PRDM16: variants seen among roughly 807,000 people sequenced by gnomAD.
The protein encoded by PRDM16 is histone-lysine N-methyltransferase PRDM16.
A neutral mutation model predicts 110.6 loss-of-function variants in PRDM16; 23 were observed. That is an observed-to-expected ratio of 0.21 (90% CI 0.15 to 0.29). The LOEUF (loss-of-function observed/expected upper bound fraction) is 0.29, where lower values mean the gene tolerates loss of function less well. Among genes scored for constraint, PRDM16 ranks in the 10% least tolerant of loss-of-function variants. PRDM16 has a pLI of 1.00. For synonymous variants in PRDM16, 799 were observed against 781.8 expected (o/e 1.02, Z -0.37); for missense variants, 1,615 against 1,794.3 (o/e 0.90, Z 1.81).
chr1:3,349,041 C>T (rs1192966493), intron 3 of PRDM16, among the ~76,000 whole-genome samples: 2 of 152,192 alleles, frequency 1.3e-5, no homozygotes, highest in East Asian at 3.9e-4. Flanking sequence ...GGGCGGGGCC[C>T]AGCATGGCCG....
intron 1 of PRDM16, among the ~76,000 whole-genome samples, chr1:3,101,872 A>T (rs1277504068): frequency 6.6e-6 from 1 of 152,010 alleles, no homozygotes; most frequent in Non-Finnish European, 1.5e-5. Context: ...CCACCCGGAG[A>T]CCCCCAGTCC....
intron 3 of PRDM16, among the ~76,000 whole-genome samples, chr1:3,349,100 A>G (rs2100530426): frequency 6.6e-6 from 1 of 152,320 alleles, no homozygotes; most frequent in South Asian, 2.1e-4. Context: ...TTGAATTTGA[A>G]AAGCCAGGAG....
chr1:3,318,434 G>T lies in PRDM16; in HGVS notation c.439-66718G>T, dbSNP rs766255312. Among the ~76,000 whole-genome samples, 88 of 152,186 alleles carry T rather than the reference G, an allele frequency of 5.8e-4. 1 individual carries two copies. The highest frequency in any genetic ancestry group is 2.1e-4 in the Non-Finnish European group (14 of 68,040). The stretch of plus-strand genomic sequence containing the variant: ...TCTTCTACAATTTAAACCAGAAAAT[G>T]TGGGAAAGGAAGCCTCAACACATCC... On this transcript the variant is annotated intron_variant, in intron 3 of 16. Coordinates refer to ENST00000270722, the MANE Select transcript of PRDM16 (RefSeq NM_022114.4).
At chr1:3,430,316 A>C (rs1638730817) in intron 14 of PRDM16, among the ~76,000 whole-genome samples, 1 of 152,198 alleles carries the variant, frequency 6.6e-6, no homozygotes, top group African/African-American at 2.4e-5. Context: ...CCTGGGCTGC[A>C]GAAGAGTCCC....
intron 3 of PRDM16, among the ~76,000 whole-genome samples, chr1:3,271,620 C>T (rs1640458707): frequency 6.6e-6 from 1 of 152,140 alleles, no homozygotes; most frequent in Non-Finnish European, 1.5e-5. Context: ...CTGGGTAGTC[C>T]AGGGGCCCTG....
chr1:3,220,376 G>A (rs939123662), intron 2 of PRDM16, among the ~76,000 whole-genome samples: 19 of 152,172 alleles, frequency 1.2e-4, no homozygotes, highest in Admixed American at 1.3e-4. Flanking sequence ...CAATCCAGGA[G>A]CTACCTGCAG....
rs1241704623 is a variant in PRDM16, at chr1:3,425,411, A to T, written c.2940-170A>T. 4.8e-6 allele frequency: 3 copies of T among 625,886 alleles called. No homozygotes were observed. Among genetic ancestry groups the T allele is most frequent in the Non-Finnish European group, 8.1e-6 (3 of 368,766 alleles). The allele number at this position is 625,886 out of a possible 1,614,324, so 38.8% of individuals were successfully genotyped here. A position where few individuals can be genotyped will look rare whatever the true frequency, so the allele number is the denominator to read the frequency against. On this transcript the variant is annotated intron_variant, in intron 12 of 16. Coordinates refer to ENST00000270722, the MANE Select transcript of PRDM16 (RefSeq NM_022114.4). This position sits in a 1 kb window ranked among gnomAD's most constrained non-coding sequence, Gnocchi z 6.9. The stretch of plus-strand genomic sequence containing the variant: ...TGTTTCTAGGGACAGCTTCCCCAGG[A>T]TGCCTTTGGCTCTGCAGCTGGGAGA...
Position 3,074,149 on chromosome 1 carries a change from G to C in PRDM16, c.37+4853G>C, listed in dbSNP as rs1327149437. Among the ~76,000 whole-genome samples, 3 of 152,204 alleles carry C rather than the reference G, an allele frequency of 2.0e-5. No individual in the cohort carries two copies. In the South Asian group the frequency reaches 6.2e-4, roughly 31 times the overall value. On this transcript the variant is annotated intron_variant, in intron 1 of 16. Transcript: ENST00000270722. ...GCCCCTGCCGGCAACCTCGGGAGAC[G>C]GGCCGGGCTCCCTAGTGCACTTGGG...
intron 3 of PRDM16, among the ~76,000 whole-genome samples, chr1:3,355,116 C>T (rs1388848813): frequency 6.6e-6 from 1 of 152,144 alleles, no homozygotes; most frequent in Non-Finnish European, 1.5e-5. Context: ...TGAGACCAGG[C>T]CTCATAGTGC....
intron 3 of PRDM16, among the ~76,000 whole-genome samples, chr1:3,272,656 A>T (rs572617478): frequency 1.3e-5 from 2 of 152,322 alleles, no homozygotes; most frequent in South Asian, 4.1e-4. Context: ...GCATCGCCTC[A>T]GTTCTGCATT....
intron 3 of PRDM16, among the ~76,000 whole-genome samples, chr1:3,264,638 G>A (rs1255060819): frequency 6.8e-6 from 1 of 146,878 alleles, no homozygotes; most frequent in Non-Finnish European, 1.5e-5. Flanking sequence ...CCCCGGGCCA[G>A]GAGGGGAGGA....
At chr1:3,163,927 A>G (rs944755516) in intron 1 of PRDM16, among the ~76,000 whole-genome samples, 1 of 152,196 alleles carries the variant, frequency 6.6e-6, no homozygotes, top group Non-Finnish European at 1.5e-5. Context: ...GAATATGGAT[A>G]ACCTCACTTC....
At chr1:3,089,915 C>CTCACTCAT (rs1642236735) in intron 1 of PRDM16, among the ~76,000 whole-genome samples, 1 of 151,412 alleles carries the variant, frequency 6.6e-6, no homozygotes, top group African/African-American at 2.4e-5. Flanking sequence ...CTAAAATCCA[C>CTCACTCAT]TCATTCATTC....
chr1:3,106,467 G>T (rs1642654992), intron 1 of PRDM16, among the ~76,000 whole-genome samples: 1 of 152,188 alleles, frequency 6.6e-6, no homozygotes, highest in African/African-American at 2.4e-5. Context: ...GTGCGAGATG[G>T]ATAGCTTTGC....
At chr1:3,252,232 T>C (rs1639949787) in intron 3 of PRDM16, among the ~76,000 whole-genome samples, 1 of 152,318 alleles carries the variant, frequency 6.6e-6, no homozygotes, top group South Asian at 2.1e-4. Context: ...GTGGTGCAGG[T>C]TGAGTGCTCC....
At chr1:3,257,618 C>G (rs986400298) in intron 3 of PRDM16, among the ~76,000 whole-genome samples, 2 of 152,204 alleles carry the variant, frequency 1.3e-5, no homozygotes, top group African/African-American at 4.8e-5. Context: ...CCTGACTGAT[C>G]TGCTTAGTGA....
chr1:3,408,678 G>A (rs1557658537), intron 8 of PRDM16, among the ~76,000 whole-genome samples: 1 of 151,286 alleles, frequency 6.6e-6, no homozygotes, highest in Non-Finnish European at 1.5e-5. Context: ...GTGTGAGTGT[G>A]AGCACGTGAG....
intron 3 of PRDM16, among the ~76,000 whole-genome samples, chr1:3,371,936 AG>A (rs1415969977): frequency 6.6e-6 from 1 of 152,276 alleles, no homozygotes; most frequent in African/African-American, 2.4e-5. Context: ...GGTGAGTCTC[AG>A]CACCTGTGGG....
chr1:3,173,050 G>T (rs1463018517), intron 1 of PRDM16, among the ~76,000 whole-genome samples: 1 of 152,224 alleles, frequency 6.6e-6, no homozygotes, highest in East Asian at 1.9e-4. Flanking sequence ...TATTTGAGGG[G>T]TCCAGTGCAT....
Sources: gnomAD v4.1 joint callset for allele counts (sites outside exome capture counted in the v4.1 genomes callset) on GRCh38, gnomAD v4.1.1 for gene constraint, Gnocchi (gnomAD v3.1) non-coding constraint, MANE v1.5 for transcripts, NCBI Gene and HGNC (gene_info 2026-07-23, HGNC 2026-07-21) for gene names.